The following LYZL4 variants were observed in gnomAD, a reference collection of about 807,000 sequenced individuals.
LYZL4 encodes lysozyme like 4.
In LYZL4, 13 loss-of-function variants were observed where a neutral mutation model predicts 17.6. The ratio of observed to expected loss-of-function variants is 0.74; its 90% CI spans 0.48 to 1.18. The LOEUF (loss-of-function observed/expected upper bound fraction) is 1.18. Ranked by LOEUF, LYZL4 falls within the 50% of genes most tolerant of loss-of-function variation. The pLI is 0.00. For synonymous variants in LYZL4, 64 were observed against 67.7 expected, an observed-to-expected ratio of 0.95 and a Z score of 0.27; for missense variants, 174 against 188.2, an observed-to-expected ratio of 0.92 and a Z score of 0.44.
the LYZL4 span, among the ~76,000 whole-genome samples, chr3:42,384,582 G>C: frequency 1.5e-3 from 232 of 152,280 alleles, no homozygotes; most frequent in Admixed American, 5.0e-3. Context: ...AACTTTTGGG[G>C]TTGAATGAAT....
At chr3:42,368,083 G>A in the LYZL4 span, among the ~76,000 whole-genome samples, 3 of 151,740 alleles carry the variant, frequency 2.0e-5, no homozygotes, top group South Asian at 4.1e-4. Flanking sequence ...ATTAGCAAAC[G>A]AGAGCCCACA....
At chr3:42,400,863 G>A (rs746872175) in intron 4 of LYZL4, among the ~76,000 whole-genome samples, 5 of 152,154 alleles carry the variant, frequency 3.3e-5, no homozygotes, top group Admixed American at 6.5e-5. Context: ...CATAAACAGC[G>A]TGGATGGAGA....
At chr3:42,398,036 C>A (rs916122167) in intron 4 of LYZL4, among the ~76,000 whole-genome samples, 1 of 152,134 alleles carries the variant, frequency 6.6e-6, no homozygotes, top group Non-Finnish European at 1.5e-5. Context: ...CCGGTTTCCA[C>A]GGGTCTTCCA....
At chr3:42,386,690 G>T in the LYZL4 span, among the ~76,000 whole-genome samples, 2 of 152,098 alleles carry the variant, frequency 1.3e-5, no homozygotes, top group East Asian at 3.9e-4. Flanking sequence ...TTAAAAATTT[G>T]AACCACAAAA....
the LYZL4 span, among the ~76,000 whole-genome samples, chr3:42,384,764 A>T: frequency 6.6e-6 from 1 of 152,136 alleles, no homozygotes; most frequent in Non-Finnish European, 1.5e-5. Context: ...TTAAAGGTGC[A>T]TTATACTGGA....
chr3:42,372,602 C>T, the LYZL4 span, among the ~76,000 whole-genome samples: 2 of 152,190 alleles, frequency 1.3e-5, no homozygotes, highest in African/African-American at 4.8e-5. Flanking sequence ...CATGCCTCAG[C>T]ATTGTCCCCC....
downstream of LYZL4, among the ~76,000 whole-genome samples, chr3:42,394,082 C>T (rs1402713461): frequency 1.3e-5 from 2 of 152,158 alleles, no homozygotes; most frequent in Non-Finnish European, 2.9e-5. Context: ...CATGAGCCAC[C>T]GTGCCCGGCC....
At chr3:42,382,516 G>A in the LYZL4 span, among the ~76,000 whole-genome samples, 2 of 151,896 alleles carry the variant, frequency 1.3e-5, no homozygotes, top group African/African-American at 4.8e-5. Flanking sequence ...TGACTATTGA[G>A]TGTATACCAT....
chr3:42,391,866 A>C, the LYZL4 span, among the ~76,000 whole-genome samples: 1 of 150,788 alleles, frequency 6.6e-6, no homozygotes, highest in Non-Finnish European at 1.5e-5. Flanking sequence ...GTATATTATC[A>C]CTTCTCTCTC....
the LYZL4 span, among the ~76,000 whole-genome samples, chr3:42,388,085 A>G: frequency 2.6e-4 from 39 of 152,228 alleles, no homozygotes; most frequent in Non-Finnish European, 2.2e-4. Context: ...TTCATTCATC[A>G]TCCTGTAAGT....
At chr3:42,396,275 C>T (rs1205313062), downstream of LYZL4, among the ~76,000 whole-genome samples, 1 of 152,180 alleles carries the variant, frequency 6.6e-6, no homozygotes, top group Admixed American at 6.5e-5. Flanking sequence ...GAACTATGTT[C>T]TCCAACCCCC....
chr3:42,381,586 C>T, the LYZL4 span, among the ~76,000 whole-genome samples: 1,084 of 152,166 alleles, frequency 7.1e-3, 18 homozygotes, highest in African/African-American at 0.025. Context: ...AAGAATTTAC[C>T]ACCGAGGTAA....
At chr3:42,400,925 A>C (rs1376976913) in intron 4 of LYZL4, among the ~76,000 whole-genome samples, 1 of 152,196 alleles carries the variant, frequency 6.6e-6, no homozygotes, top group Admixed American at 6.5e-5. Context: ...CCATTGGTTC[A>C]GCATATCAGA....
chr3:42,403,968 C>T, intron 4 of LYZL4, 78 bp downstream of exon 4: 1 of 1,103,668 alleles, frequency 9.1e-7, no homozygotes, highest in Non-Finnish European at 1.3e-6. Flanking sequence ...GCGCAACAGC[C>T]AAGATTTAGC....
the LYZL4 span, among the ~76,000 whole-genome samples, chr3:42,380,199 T>G: frequency 6.6e-6 from 1 of 152,216 alleles, no homozygotes; most frequent in Non-Finnish European, 1.5e-5. Flanking sequence ...CATCCTGGAT[T>G]CATCACCTAT....
In LYZL4 at chr3:42,397,335, C is replaced by T; in HGVS notation, c.372-1G>A. 1 of 1,569,330 alleles carries T rather than the reference C, an allele frequency of 6.4e-7. No individual in the cohort carries two copies. The highest frequency in any genetic ancestry group is 2.4e-5 in the East Asian group (1 of 42,038). ...CTGGCAGTACCGGGACCAGGTGGGC[C>T]TGTGGAGAGAAGTGAACAGGAAGGG... On this transcript the variant is annotated splice_acceptor_variant, in intron 4 of 4. Transcript: ENST00000287748. LOFTEE classifies it high-confidence loss of function.
intron 3 of LYZL4, among the ~76,000 whole-genome samples, chr3:42,405,501 C>T (rs1698733000): frequency 6.6e-6 from 1 of 152,162 alleles, no homozygotes; most frequent in Middle Eastern, 3.2e-3. Context: ...TGGGGCCCAA[C>T]ACAGACAGGT....
chr3:42,381,148 T>A, the LYZL4 span, among the ~76,000 whole-genome samples: 13 of 152,230 alleles, frequency 8.5e-5, no homozygotes, highest in African/African-American at 3.1e-4. Flanking sequence ...AAATGCCTGC[T>A]ATGGTAGGCT....
downstream of LYZL4, among the ~76,000 whole-genome samples, chr3:42,395,100 G>A (rs2125598539): frequency 6.6e-6 from 1 of 152,284 alleles, no homozygotes; most frequent in East Asian, 1.9e-4. Context: ...CTAGAGAGGA[G>A]GGAAAGCCAC....
Sources: allele counts gnomAD v4.1 joint callset (sites outside exome capture counted in the v4.1 genomes callset), GRCh38; gene constraint gnomAD v4.1.1; transcripts MANE v1.5; gene names NCBI Gene and HGNC (gene_info 2026-07-23, HGNC 2026-07-21).